ADORA2B: variants seen among roughly 807,000 people sequenced by gnomAD.
ADORA2B encodes adenosine receptor A2b.
ADORA2B carries 18 observed loss-of-function variants against 20.8 expected under a neutral mutation model. The observed-to-expected ratio is 0.87, with a 90% CI of 0.60 to 1.29. ADORA2B has a LOEUF of 1.29. Among genes scored for constraint, ADORA2B ranks in the 50% most tolerant of loss-of-function variants. The pLI, the probability that ADORA2B is intolerant of heterozygous loss-of-function variation, is 0.00. For synonymous variants in ADORA2B, 179 were observed against 178.3 expected (o/e 1.00, Z -0.03); for missense variants, 441 against 422.7 (o/e 1.04, Z -0.38).
chr17:15,869,433 G>C, the ADORA2B span, among the ~76,000 whole-genome samples: 1 of 152,024 alleles, frequency 6.6e-6, no homozygotes, highest in African/African-American at 2.4e-5. Flanking sequence ...GGATTCACAA[G>C]TATTTATTTT....
At chr17:15,931,125 T>A in the ADORA2B span, among the ~76,000 whole-genome samples, 3 of 152,130 alleles carry the variant, frequency 2.0e-5, no homozygotes, top group African/African-American at 4.8e-5. Context: ...GAGACCAGCC[T>A]GGGCAACACA....
At chr17:15,866,914 G>C in the ADORA2B span, among the ~76,000 whole-genome samples, 1 of 152,270 alleles carries the variant, frequency 6.6e-6, no homozygotes, top group Non-Finnish European at 1.5e-5. Context: ...CCTGCCGAGT[G>C]CCTGCGATTG....
At chr17:15,948,907 TAA>T (rs940796818) in intron 1 of ADORA2B, among the ~76,000 whole-genome samples, 22 of 152,120 alleles carry the variant, frequency 1.4e-4, no homozygotes, top group Non-Finnish European at 2.6e-4. Context: ...TTTCAAAACT[TAA>T]AAAAATTGAG....
chr17:15,957,922 G>T (rs1969988522), intron 1 of ADORA2B, among the ~76,000 whole-genome samples: 1 of 149,754 alleles, frequency 6.7e-6, no homozygotes, highest in Non-Finnish European at 1.5e-5. Flanking sequence ...ACTGCTGAGT[G>T]TTTTTTTTTG....
chr17:15,898,164 A>G, the ADORA2B span, among the ~76,000 whole-genome samples: 97 of 152,216 alleles, frequency 6.4e-4, 1 homozygote, highest in African/African-American at 2.3e-3. Context: ...AGAAACAACA[A>G]AACTAACCAG....
At chr17:15,863,836 C>G in the ADORA2B span, among the ~76,000 whole-genome samples, 1 of 152,186 alleles carries the variant, frequency 6.6e-6, no homozygotes, top group African/African-American at 2.4e-5. Flanking sequence ...TGTAGCAAAA[C>G]TCTCCCCAGA....
At chr17:15,962,325 CACAAAACAAA>C (rs747748190) in intron 1 of ADORA2B, among the ~76,000 whole-genome samples, 16 of 152,054 alleles carry the variant, frequency 1.1e-4, no homozygotes, top group Non-Finnish European at 1.9e-4. Context: ...GACACAACAA[CACAAAACAAA>C]ACAAAACAAA....
the ADORA2B span, among the ~76,000 whole-genome samples, chr17:15,870,747 G>A: frequency 6.6e-6 from 1 of 152,212 alleles, no homozygotes; most frequent in Non-Finnish European, 1.5e-5. Flanking sequence ...CCCACCTGGG[G>A]CTCTGTTTCT....
the ADORA2B span, among the ~76,000 whole-genome samples, chr17:15,929,742 T>C: frequency 6.6e-6 from 1 of 152,226 alleles, no homozygotes; most frequent in Non-Finnish European, 1.5e-5. Flanking sequence ...TTGAGGACGT[T>C]ATGCTGAGTG....
At chr17:15,928,983 G>A in the ADORA2B span, among the ~76,000 whole-genome samples, 1 of 152,110 alleles carries the variant, frequency 6.6e-6, no homozygotes, top group Admixed American at 6.5e-5. Context: ...TGGAAAAGTA[G>A]GGAGAAGAGC....
At chr17:15,900,547 A>G in the ADORA2B span, among the ~76,000 whole-genome samples, 2 of 152,050 alleles carry the variant, frequency 1.3e-5, no homozygotes, top group Non-Finnish European at 2.9e-5. Flanking sequence ...CCCAGGCTAA[A>G]GTGATCCTCC....
In ADORA2B at chr17:15,945,376, A is replaced by G. The variant is rs142739933; in HGVS notation, c.128A>G (p.Asn43Ser). Reference sequence around the variant, plus strand: ...GCGAACACTCTGCAGACGCCCACCAACTACTTCCTGGTGTCCCTGGCTGCG... The same window carrying G: ...GCGAACACTCTGCAGACGCCCACCAGCTACTTCCTGGTGTCCCTGGCTGCG... ...GTANTLQTPT[N>S]YFLVSLAAAD... The change falls in exon 1 of 2, where the codon AAC (asparagine) becomes AGC (serine). Residue 43 changes from asparagine (N) to serine (S), a missense_variant. Asn to Ser is a conservative substitution (Grantham distance 46, BLOSUM62 1). Transcript: ENST00000304222. 3 of 1,612,584 alleles carry G rather than the reference A, an allele frequency of 1.9e-6. No individual in the cohort carries two copies. The highest frequency in any genetic ancestry group is 2.7e-5 in the African/African-American group (2 of 74,936).
Position 15,957,437 on chromosome 17 carries a change from C to T in ADORA2B, c.335+11854C>T, listed in dbSNP as rs1051483397. Among the ~76,000 whole-genome samples, 17 of 152,202 alleles carry T rather than the reference C, an allele frequency of 1.1e-4. No individual in the cohort carries two copies. The East Asian group carries it at 1.9e-3, about 17-fold the overall frequency. On this transcript the variant is annotated intron_variant, in intron 1 of 1. Coordinates refer to ENST00000304222, the MANE Select transcript of ADORA2B (RefSeq NM_000676.4). ...GCAGATCTGATCGATAGCACATAGTCGTGTGCTTCTGGCTGGAAGACAGGG... is the reference window on the plus strand; with the variant it reads ...GCAGATCTGATCGATAGCACATAGTTGTGTGCTTCTGGCTGGAAGACAGGG...
the ADORA2B span, among the ~76,000 whole-genome samples, chr17:15,858,544 T>C: frequency 6.6e-6 from 1 of 152,188 alleles, no homozygotes; most frequent in East Asian, 1.9e-4. Context: ...CCTTTTTGTT[T>C]CTTTTGAGGA....
At chr17:15,933,201 C>T in the ADORA2B span, among the ~76,000 whole-genome samples, 1 of 152,122 alleles carries the variant, frequency 6.6e-6, no homozygotes, top group South Asian at 2.1e-4. Context: ...GTGATCCGCC[C>T]GCCTCAGCCT....
chr17:15,952,812 T>A (rs549015310), intron 1 of ADORA2B, among the ~76,000 whole-genome samples: 1 of 152,206 alleles, frequency 6.6e-6, no homozygotes. Context: ...CCTTTCCTTT[T>A]GCCTCAGATT....
chr17:15,908,676 T>G, the ADORA2B span: 19 of 159,340 alleles, frequency 1.2e-4, no homozygotes, highest in Non-Finnish European at 2.3e-4. Flanking sequence ...CCACTGCAAT[T>G]TGTCCTGGAA....
At chr17:15,932,603 A>AT in the ADORA2B span, among the ~76,000 whole-genome samples, 2 of 152,028 alleles carry the variant, frequency 1.3e-5, no homozygotes, top group East Asian at 3.9e-4. Flanking sequence ...TGTTTGATCC[A>AT]TTTTGAGTTG....
intron 1 of ADORA2B, among the ~76,000 whole-genome samples, chr17:15,971,720 C>A (rs1970190307): frequency 6.8e-6 from 1 of 147,514 alleles, no homozygotes; most frequent in Non-Finnish European, 1.5e-5. Flanking sequence ...GCATCCTCTG[C>A]CTCCCAGGTT....
Sources: allele counts gnomAD v4.1 joint callset (sites outside exome capture counted in the v4.1 genomes callset), GRCh38; gene constraint gnomAD v4.1.1; transcripts MANE v1.5; gene names NCBI Gene and HGNC (gene_info 2026-07-23, HGNC 2026-07-21).